The following PRH1 variants were observed in gnomAD, a reference collection of about 807,000 sequenced individuals.
PRH1 encodes the protein salivary acidic proline-rich phosphoprotein 1/2.
In PRH1, 7 loss-of-function variants were observed where a neutral mutation model predicts 7.9. The ratio of observed to expected loss-of-function variants is 0.89; its 90% CI spans 0.50 to 1.67. PRH1 has a LOEUF of 1.67. PRH1 is among the 40% of genes most tolerant of loss of function. The probability of loss-of-function intolerance (pLI) is 0.00; values close to 1 mark genes in which losing one functional copy is unlikely to be tolerated. For synonymous variants in PRH1, 45 were observed against 80.8 expected, an observed-to-expected ratio of 0.56 and a Z score of 2.38; for missense variants, 109 against 223.6, an observed-to-expected ratio of 0.49 and a Z score of 3.27.
intron 1 of PRH1, among the ~76,000 whole-genome samples, chr12:10,998,825 T>G (rs914508204): frequency 2.0e-5 from 3 of 152,176 alleles, no homozygotes; most frequent in Admixed American, 2.0e-4. Context: ...ACTAGGGCTC[T>G]GAGTTCGATC....
chr12:11,133,665 A>G (rs1329565306), intron 1 of PRH1: 14 of 1,614,252 alleles, frequency 8.7e-6, no homozygotes, highest in Admixed American at 1.7e-5. Context: ...AGCAGAAAAG[A>G]TATCAGGGTC....
chr12:11,031,347 CA>C (rs552840755), intron 1 of PRH1: 115 of 1,593,306 alleles, frequency 7.2e-5, no homozygotes, highest in South Asian at 2.3e-4. Context: ...TCTGAACAGA[CA>C]AAAAAAAATT....
intron 1 of PRH1, chr12:10,986,897 A>G (rs141315959): frequency 2.1e-6 from 3 of 1,397,234 alleles, no homozygotes; most frequent in African/African-American, 2.9e-5. Flanking sequence ...TGCAAGCCTA[A>G]TATCACTGGT....
chr12:10,886,158 G>A (rs151204569), upstream of PRH1, among the ~76,000 whole-genome samples: 313 of 152,288 alleles, frequency 2.1e-3, no homozygotes, highest in African/African-American at 7.1e-3. Context: ...CTCCCAATGC[G>A]TTATGGAGAT....
upstream of PRH1, among the ~76,000 whole-genome samples, chr12:10,886,617 T>C (rs932202112): frequency 7.2e-5 from 11 of 152,218 alleles, no homozygotes; most frequent in African/African-American, 2.6e-4. Flanking sequence ...TACCTAGAGG[T>C]GGGTGGCAGC....
At chr12:11,019,944 T>C (rs2136065832) in intron 1 of PRH1, among the ~76,000 whole-genome samples, 1 of 152,292 alleles carries the variant, frequency 6.6e-6, no homozygotes, top group South Asian at 2.1e-4. Flanking sequence ...CCAAAATCTT[T>C]AATATGCTTT....
At position 10,919,907 on chromosome 12, in the gene PRH1, C is replaced by CTT. The variant is rs34966041; in HGVS notation, c.-58-35634_-58-35633dup. On this transcript the variant is annotated intron_variant, in intron 2 of 3. Coordinates refer to the PRH1 transcript ENST00000539853. ...AAAATATTAAAAAAATTTTTTTAATCTTTTTTTTTTTTTTCCTGACAGAGT... is the reference window on the plus strand; with the variant it reads ...AAAATATTAAAAAAATTTTTTTAATCTTTTTTTTTTTTTTTTCCTGACAGAGT... Among the ~76,000 whole-genome samples the CTT allele has an allele frequency of 1.3e-3, 196 of 145,478 alleles. 2 individuals carry two copies. The highest frequency in any genetic ancestry group is 1.6e-3 in the Non-Finnish European group (109 of 66,538).
intron 2 of PRH1, among the ~76,000 whole-genome samples, chr12:10,916,182 TGAG>T (rs1565469216): frequency 2.2e-4 from 34 of 152,200 alleles, no homozygotes; most frequent in African/African-American, 7.9e-4. Context: ...TCAGATCTCA[TGAG>T]AATTACTTAT....
intron 2 of PRH1, among the ~76,000 whole-genome samples, chr12:10,958,033 C>A (rs932472025): frequency 3.3e-5 from 5 of 152,094 alleles, no homozygotes; most frequent in African/African-American, 1.2e-4. Flanking sequence ...CACAGAATTA[C>A]CATTCAAACC....
intron 2 of PRH1, among the ~76,000 whole-genome samples, chr12:10,897,741 C>A (rs1949668418): frequency 6.6e-6 from 1 of 152,118 alleles, no homozygotes; most frequent in South Asian, 2.1e-4. Flanking sequence ...TTTCAAACAA[C>A]CAAATCTTGT....
intron 2 of PRH1, among the ~76,000 whole-genome samples, chr12:10,962,116 T>C (rs1369756413): frequency 6.6e-6 from 1 of 152,248 alleles, no homozygotes; most frequent in African/African-American, 2.4e-5. Flanking sequence ...GCTCTAGTTC[T>C]AGACCTCCAA....
chr12:10,982,160 C>A (rs894716484), intron 1 of PRH1, among the ~76,000 whole-genome samples: 1 of 152,108 alleles, frequency 6.6e-6, no homozygotes, highest in Non-Finnish European at 1.5e-5. Context: ...GACCTGTATA[C>A]CAAGGGACAT....
chr12:10,924,918 G>A (rs1217934152), intron 2 of PRH1, among the ~76,000 whole-genome samples: 3 of 151,872 alleles, frequency 2.0e-5, no homozygotes, highest in Admixed American at 6.6e-5. Flanking sequence ...CTTGCTACTG[G>A]TCTATCAATT....
intron 1 of PRH1, among the ~76,000 whole-genome samples, chr12:11,029,240 A>G (rs1315586052): frequency 6.6e-6 from 1 of 152,302 alleles, no homozygotes; most frequent in Non-Finnish European, 1.5e-5. Flanking sequence ...ACAAGACTGT[A>G]CATTTCTTTC....
intron 1 of PRH1, chr12:11,022,477 A>C (rs1395453092): frequency 6.2e-7 from 1 of 1,611,452 alleles, no homozygotes; most frequent in African/African-American, 1.3e-5. Context: ...CCAGTCAATG[A>C]CATTTACTAG....
chr12:10,961,953 C>T (rs1938255022), intron 2 of PRH1, among the ~76,000 whole-genome samples: 1 of 152,222 alleles, frequency 6.6e-6, no homozygotes, highest in African/African-American at 2.4e-5. Context: ...CACATACACA[C>T]AACACATTGT....
intron 1 of PRH1, among the ~76,000 whole-genome samples, chr12:11,032,097 T>C (rs571506642): frequency 3.3e-5 from 5 of 152,142 alleles, no homozygotes; most frequent in African/African-American, 1.2e-4. Flanking sequence ...GTTCTTGTTA[T>C]AGGCTGGAAT....
At chr12:11,063,421 AGAGT>A (rs1015318649) in intron 1 of PRH1, among the ~76,000 whole-genome samples, 8 of 152,204 alleles carry the variant, frequency 5.3e-5, no homozygotes, top group African/African-American at 1.9e-4. Context: ...TCCCAGAAGG[AGAGT>A]GAGAAACTAA....
chr12:11,047,889 C>A (rs1193313484), upstream of PRH1, among the ~76,000 whole-genome samples: 1 of 152,146 alleles, frequency 6.6e-6, no homozygotes, highest in Non-Finnish European at 1.5e-5. Context: ...TTTTTACCAT[C>A]CAAAAAATTA....
Sources: gnomAD v4.1 joint callset for allele counts (sites outside exome capture counted in the v4.1 genomes callset) on GRCh38, gnomAD v4.1.1 for gene constraint, MANE v1.5 for transcripts, NCBI Gene and HGNC (gene_info 2026-07-23, HGNC 2026-07-21) for gene names.